The following FHAD1 variants were observed in gnomAD, a reference collection of about 807,000 sequenced individuals.
FHAD1 encodes forkhead associated phosphopeptide binding domain 1, also known as forkhead-associated domain-containing protein 1.
FHAD1 carries 146 observed loss-of-function variants against 191.3 expected under a neutral mutation model. That is an observed-to-expected ratio of 0.76 (90% confidence interval 0.67 to 0.88). The LOEUF (loss-of-function observed/expected upper bound fraction) is 0.88, where lower values mean the gene tolerates loss of function less well. Ranked by LOEUF, FHAD1 falls within the 40% of genes least tolerant of loss-of-function variation. The probability of loss-of-function intolerance (pLI) is 0.00; values close to 1 mark genes in which losing one functional copy is unlikely to be tolerated. For synonymous variants in FHAD1, 616 were observed against 672.3 expected, an observed-to-expected ratio of 0.92 and a Z score of 1.29; for missense variants, 1,635 against 1,785.8, an observed-to-expected ratio of 0.92 and a Z score of 1.52.
chr1:15,402,239 C>T (rs1707145065), downstream of FHAD1, among the ~76,000 whole-genome samples: 1 of 152,218 alleles, frequency 6.6e-6, no homozygotes, highest in Non-Finnish European at 1.5e-5. Flanking sequence ...TTGACCTTTA[C>T]TCCTTTTCAA....
rs774166211 is a variant in FHAD1 at position 15,306,489 on chromosome 1, A to G, written c.916-2124A>G. On this transcript the variant is annotated intron_variant, in intron 6 of 33. Coordinates refer to ENST00000688493, the MANE Select transcript of FHAD1 (RefSeq NM_001391957.1). ...GCCATGGGGAAAATGTCTCCAGGACATGTCAGAGACCTTCACAGCAGCCCC... is the reference window on the plus strand; with the variant it reads ...GCCATGGGGAAAATGTCTCCAGGACGTGTCAGAGACCTTCACAGCAGCCCC... Among the ~76,000 whole-genome samples the G allele has an allele frequency of 9.9e-5, 15 of 152,260 alleles. 1 individual carries two copies. Among genetic ancestry groups the G allele is most frequent in the Non-Finnish European group, 1.9e-4 (13 of 68,048 alleles).
At chr1:15,269,374 G>A (rs1452584280) in intron 2 of FHAD1, among the ~76,000 whole-genome samples, 1 of 152,094 alleles carries the variant, frequency 6.6e-6, no homozygotes, top group Non-Finnish European at 1.5e-5. Context: ...TTTTCATTTA[G>A]TTAAGATAAT....
chr1:15,245,421 T>C (rs905670145), upstream of FHAD1, among the ~76,000 whole-genome samples: 1 of 152,252 alleles, frequency 6.6e-6, no homozygotes, highest in African/African-American at 2.4e-5. Flanking sequence ...ATGGTGGTTG[T>C]TTCATTGTTT....
At chr1:15,372,442 C>T (rs1318855850) in intron 26 of FHAD1, among the ~76,000 whole-genome samples, 2 of 152,176 alleles carry the variant, frequency 1.3e-5, no homozygotes, top group Non-Finnish European at 1.5e-5. Flanking sequence ...TTTCCCGGAG[C>T]ACTTATCATT....
At chr1:15,292,403 G>A (rs549255760) in intron 4 of FHAD1, among the ~76,000 whole-genome samples, 9 of 152,138 alleles carry the variant, frequency 5.9e-5, no homozygotes, top group South Asian at 4.2e-4. Context: ...GCACGATCTC[G>A]GCTTACAGCA....
chr1:15,347,710 A>G (rs1689406746), intron 18 of FHAD1, among the ~76,000 whole-genome samples: 1 of 152,168 alleles, frequency 6.6e-6, no homozygotes, highest in African/African-American at 2.4e-5. Context: ...TGGCCTCCCA[A>G]AGTGCTGGGA....
At chr1:15,283,627 G>A (rs1573958426) in intron 3 of FHAD1, among the ~76,000 whole-genome samples, 1 of 152,168 alleles carries the variant, frequency 6.6e-6, no homozygotes, top group Non-Finnish European at 1.5e-5. Context: ...GCTCTCATGA[G>A]CCAGCACCAA....
rs34718796 is a variant in FHAD1, at chr1:15,248,051, C to CTT, written c.-15+669_-15+670dup. Reference sequence around the variant, plus strand: ...CAACCCATTCAGCTAAAGAAATAGACTTTTTTTTTTTTTTCCAGAATGTCA... The same window carrying CTT: ...CAACCCATTCAGCTAAAGAAATAGACTTTTTTTTTTTTTTTTCCAGAATGTCA... On this transcript the variant is annotated intron_variant, in intron 1 of 33. Coordinates refer to ENST00000688493, the MANE Select transcript of FHAD1 (RefSeq NM_001391957.1). Among the ~76,000 whole-genome samples the CTT allele has an allele frequency of 2.1e-3, 306 of 143,504 alleles. 2 individuals are homozygous for CTT. Among genetic ancestry groups the CTT allele is most frequent in the African/African-American group, 6.8e-3 (269 of 39,532 alleles). The allele number at this position is 143,504 out of a possible 152,430, so 94.1% of individuals were successfully genotyped here.
intron 4 of FHAD1, among the ~76,000 whole-genome samples, chr1:15,294,615 A>C (rs958834331): frequency 6.6e-6 from 1 of 151,690 alleles, no homozygotes; most frequent in Non-Finnish European, 1.5e-5. Context: ...CTGGTCTCGA[A>C]CTCCTGTCCT....
At position 15,358,172 on chromosome 1, in the gene FHAD1, C is replaced by A; in HGVS notation, c.2625C>A (p.Ala875=). 6.5e-7 allele frequency: 1 copy of A among 1,534,952 alleles called. No individual in the cohort carries two copies. Among genetic ancestry groups the A allele is most frequent in the Non-Finnish European group, 8.7e-7 (1 of 1,143,178 alleles). ...VLNNKLSDAL[A]MVEETQKTKA... ...ATAATAAATTAAGTGACGCACTGGC[C>A]ATGGTTGAAGAGACTCAGAAAACAA... The change falls in exon 21 of 34, where the codon GCC becomes GCA. Residue 875 remains alanine (A), a synonymous_variant. Coordinates refer to ENST00000688493, the MANE Select transcript of FHAD1 (RefSeq NM_001391957.1).
chr1:15,317,763 C>A, intron 9 of FHAD1, 61 bp from the exon 10 acceptor site: 2 of 1,189,934 alleles, frequency 1.7e-6, no homozygotes, highest in South Asian at 1.3e-5. Flanking sequence ...TCAGACCTCT[C>A]AGCCAAGAAG....
chr1:15,297,667 A>G (rs74053885), intron 5 of FHAD1, among the ~76,000 whole-genome samples: 2,355 of 152,256 alleles, frequency 0.015, 60 homozygotes, highest in African/African-American at 0.053. Flanking sequence ...GTTGCCTTGG[A>G]AGGTTCTCCT....
At chr1:15,386,518 G>A (rs970744675) in intron 31 of FHAD1, among the ~76,000 whole-genome samples, 18 of 152,230 alleles carry the variant, frequency 1.2e-4, no homozygotes, top group Admixed American at 1.3e-4. Context: ...ATGCAAGCCC[G>A]TTCTTCGGCC....
At chr1:15,303,119 G>A (rs918234849) in intron 6 of FHAD1, among the ~76,000 whole-genome samples, 5 of 152,208 alleles carry the variant, frequency 3.3e-5, no homozygotes, top group African/African-American at 1.2e-4. Flanking sequence ...GAATTCGGCA[G>A]AGAACAAGGT....
intron 32 of FHAD1, among the ~76,000 whole-genome samples, chr1:15,388,580 G>A (rs929329173): frequency 6.6e-6 from 1 of 151,494 alleles, no homozygotes; most frequent in Admixed American, 6.6e-5. Flanking sequence ...ATGAAATGAG[G>A]GGGGTGAAAG....
intron 10 of FHAD1, 84 bp from the exon 11 acceptor site, chr1:15,324,368 G>C (rs928745534): frequency 9.1e-7 from 1 of 1,096,930 alleles, no homozygotes; most frequent in African/African-American, 1.6e-5. Context: ...GACCCCCCAC[G>C]GCCATTAGAC....
intron 15 of FHAD1, among the ~76,000 whole-genome samples, chr1:15,341,124 G>T (rs1686469203): frequency 6.6e-6 from 1 of 152,182 alleles, no homozygotes; most frequent in Non-Finnish European, 1.5e-5. Context: ...AGAGGTTGCG[G>T]GGAACCAAGA....
At chr1:15,356,264 A>G (rs1234322506) in intron 20 of FHAD1, among the ~76,000 whole-genome samples, 1 of 152,248 alleles carries the variant, frequency 6.6e-6, no homozygotes, top group African/African-American at 2.4e-5. Context: ...AGAATGAGTC[A>G]GTGTTCCAAA....
At chr1:15,300,360 T>C (rs1214055000) in intron 5 of FHAD1, among the ~76,000 whole-genome samples, 7 of 152,214 alleles carry the variant, frequency 4.6e-5, no homozygotes, top group Non-Finnish European at 7.3e-5. Flanking sequence ...CATTTATTTT[T>C]CATGACTCAG....
Sources: gnomAD v4.1 joint callset for allele counts (sites outside exome capture counted in the v4.1 genomes callset) on GRCh38, gnomAD v4.1.1 for gene constraint, MANE v1.5 for transcripts, NCBI Gene and HGNC (gene_info 2026-07-23, HGNC 2026-07-21) for gene names.